CDH12: variants seen among roughly 807,000 people sequenced by gnomAD.
CDH12 encodes cadherin-12.
Under a neutral mutation model 74.1 loss-of-function variants are expected in CDH12, and 41 were observed. The ratio of observed to expected loss-of-function variants is 0.55; its 90% CI spans 0.43 to 0.72. The LOEUF (loss-of-function observed/expected upper bound fraction) is 0.72, where lower values mean the gene tolerates loss of function less well. CDH12 is among the 30% of genes least tolerant of loss of function. CDH12 has a pLI of 0.00. For synonymous variants in CDH12, 399 were observed against 355.0 expected (o/e 1.12, Z -1.39); for missense variants, 945 against 977.2 (o/e 0.97, Z 0.44).
chr5:22,257,293 C>G (rs1753352237), intron 3 of CDH12, among the ~76,000 whole-genome samples: 1 of 151,958 alleles, frequency 6.6e-6, no homozygotes, highest in African/African-American at 2.4e-5. Context: ...ACCTATGTAA[C>G]AAACCTGCAC....
intron 3 of CDH12, among the ~76,000 whole-genome samples, chr5:22,318,904 T>C (rs751242692): frequency 2.0e-5 from 3 of 152,200 alleles, no homozygotes; most frequent in Non-Finnish European, 2.9e-5. Context: ...GTTAATGGCT[T>C]TGCTCATCTA....
chr5:21,792,597 CCT>C (rs1491174368), intron 10 of CDH12, among the ~76,000 whole-genome samples: 2 of 98,014 alleles, frequency 2.0e-5, no homozygotes, highest in Non-Finnish European at 4.5e-5. Flanking sequence ...TTTCCTCTGC[CCT>C]TTTTTTTTTT....
chr5:22,425,206 T>C (rs1301644513), intron 2 of CDH12, among the ~76,000 whole-genome samples: 1 of 145,736 alleles, frequency 6.9e-6, no homozygotes, highest in Non-Finnish European at 1.5e-5. Flanking sequence ...TCCTTTTAAA[T>C]AAATGCATAG....
At chr5:22,410,298 T>A (rs1743122029) in intron 2 of CDH12, among the ~76,000 whole-genome samples, 1 of 152,092 alleles carries the variant, frequency 6.6e-6, no homozygotes, top group African/African-American at 2.4e-5. Context: ...CTAAAAATAT[T>A]ACTCTAACAT....
At chr5:22,192,490 A>G (rs887875312) in intron 4 of CDH12, among the ~76,000 whole-genome samples, 4 of 152,104 alleles carry the variant, frequency 2.6e-5, no homozygotes, top group African/African-American at 9.7e-5. Flanking sequence ...CAAGTTACAC[A>G]GATGTAGAAG....
At chr5:22,072,495 A>G (rs150800080) in intron 5 of CDH12, among the ~76,000 whole-genome samples, 7 of 151,924 alleles carry the variant, frequency 4.6e-5, no homozygotes, top group African/African-American at 1.4e-4. Flanking sequence ...ACGGAGTCAT[A>G]GACATTTCCC....
rs6892378 is a variant in CDH12 at position 21,995,362 on chromosome 5, G to A, written c.232-19977C>T. On this transcript the variant is annotated intron_variant, in intron 5 of 14. Coordinates refer to ENST00000382254, the MANE Select transcript of CDH12 (RefSeq NM_004061.5). ...ATTGATATGCAAAGCCAAATGAAAC[G>A]TGGTGTGTACTTCCTACTGATGCGT... 7.5e-3 allele frequency among the ~76,000 whole-genome samples: 1,140 copies of A among 151,832 alleles called. 10 individuals are homozygous for A. The highest frequency in any genetic ancestry group is 0.026 in the African/African-American group (1,068 of 41,368).
At chr5:22,810,381 T>C (rs1219842463) in intron 1 of CDH12, among the ~76,000 whole-genome samples, 1 of 152,230 alleles carries the variant, frequency 6.6e-6, no homozygotes, top group Non-Finnish European at 1.5e-5. Context: ...TGGGTTTGAA[T>C]TGCCAGTTGT....
intron 1 of CDH12, among the ~76,000 whole-genome samples, chr5:22,702,582 G>T (rs1742772447): frequency 6.6e-6 from 1 of 151,824 alleles, no homozygotes; most frequent in African/African-American, 2.4e-5. Context: ...AGCTGGTAAG[G>T]ATGTGATACC....
chr5:22,475,081 T>C (rs1321087125), intron 2 of CDH12, among the ~76,000 whole-genome samples: 1 of 150,406 alleles, frequency 6.6e-6, no homozygotes, highest in African/African-American at 2.5e-5. Context: ...CACTTTGTCT[T>C]GAATTCTGGA....
intron 1 of CDH12, among the ~76,000 whole-genome samples, chr5:22,852,624 T>C (rs928690689): frequency 3.3e-5 from 5 of 152,176 alleles, no homozygotes; most frequent in Admixed American, 6.5e-5. Context: ...TCAGCGTCAG[T>C]GGAGAAATGA....
intron 2 of CDH12, among the ~76,000 whole-genome samples, chr5:22,469,467 T>C (rs1745868050): frequency 6.6e-6 from 1 of 152,094 alleles, no homozygotes; most frequent in South Asian, 2.1e-4. Context: ...CATACATCTA[T>C]GTATGCATGT....
At chr5:22,531,631 T>C (rs752238893) in intron 1 of CDH12, among the ~76,000 whole-genome samples, 1 of 152,134 alleles carries the variant, frequency 6.6e-6, no homozygotes, top group African/African-American at 2.4e-5. Context: ...TTTTTAGTTA[T>C]AATGGTATTT....
intron 3 of CDH12, among the ~76,000 whole-genome samples, chr5:22,296,852 G>C (rs1176296384): frequency 6.6e-6 from 1 of 152,056 alleles, no homozygotes; most frequent in African/African-American, 2.4e-5. Context: ...ATGCAGTACA[G>C]CTTCACTCCT....
At chr5:22,316,465 T>C (rs1469744878) in intron 3 of CDH12, among the ~76,000 whole-genome samples, 1 of 152,162 alleles carries the variant, frequency 6.6e-6, no homozygotes, top group Non-Finnish European at 1.5e-5. Context: ...TTTATTTTGT[T>C]CCCTTAGGCC....
At chr5:22,474,540 T>C (rs1038894371) in intron 2 of CDH12, among the ~76,000 whole-genome samples, 2 of 152,080 alleles carry the variant, frequency 1.3e-5, no homozygotes, top group African/African-American at 2.4e-5. Context: ...AGTAAATCAA[T>C]AGTAAAGGAG....
chr5:22,730,385 T>A (rs1744373639), intron 1 of CDH12, among the ~76,000 whole-genome samples: 1 of 151,804 alleles, frequency 6.6e-6, no homozygotes, highest in African/African-American at 2.4e-5. Flanking sequence ...GTTTTGTTTT[T>A]CCAGTCCATA....
intron 5 of CDH12, among the ~76,000 whole-genome samples, chr5:22,049,328 T>C (rs1740185569): frequency 6.6e-6 from 1 of 152,190 alleles, no homozygotes; most frequent in African/African-American, 2.4e-5. Context: ...TGACACACCA[T>C]GTTATGTCAA....
At chr5:22,847,713 T>A (rs1046340173) in intron 1 of CDH12, among the ~76,000 whole-genome samples, 1 of 152,102 alleles carries the variant, frequency 6.6e-6, no homozygotes, top group Non-Finnish European at 1.5e-5. Flanking sequence ...ATATGATTTT[T>A]AAAAAAATAG....
Sources: allele counts gnomAD v4.1 joint callset (sites outside exome capture counted in the v4.1 genomes callset), GRCh38; gene constraint gnomAD v4.1.1; transcripts MANE v1.5; gene names NCBI Gene and HGNC (gene_info 2026-07-23, HGNC 2026-07-21).